Variants in NAT1 observed in about 807,000 individuals in gnomAD.
NAT1 encodes the protein N-acetyltransferase 1.
For missense variants in NAT1, 400 were observed against 339.2 expected (o/e 1.18, Z -1.41); for synonymous variants, 144 against 122.6 (o/e 1.17, Z -1.16).
At chr8:18,177,809 G>C (rs1802346656) in intron 2 of NAT1, among the ~76,000 whole-genome samples, 1 of 152,120 alleles carries the variant, frequency 6.6e-6, no homozygotes, top group Non-Finnish European at 1.5e-5. Context: ...TTGTCCAGGA[G>C]AATCCAAAAG....
intron 2 of NAT1, among the ~76,000 whole-genome samples, chr8:18,181,636 G>A (rs1371928689): frequency 2.6e-5 from 4 of 152,124 alleles, no homozygotes; most frequent in African/African-American, 9.7e-5. Flanking sequence ...TGGTGAAAGT[G>A]GGCATACTTG....
chr8:18,175,480 A>C (rs1393831123), intron 2 of NAT1, among the ~76,000 whole-genome samples: 1 of 152,036 alleles, frequency 6.6e-6, no homozygotes, highest in East Asian at 1.9e-4. Flanking sequence ...TGTTTCCATG[A>C]CTGGCTTATT....
At chr8:18,199,790 C>T (rs910814194) in intron 2 of NAT1, among the ~76,000 whole-genome samples, 2 of 151,984 alleles carry the variant, frequency 1.3e-5, no homozygotes, top group African/African-American at 4.8e-5. Context: ...TTTCTTTGTG[C>T]ATTTAGGTAA....
intron 2 of NAT1, among the ~76,000 whole-genome samples, chr8:18,219,768 T>C (rs1343365194): frequency 2.6e-5 from 4 of 152,218 alleles, no homozygotes; most frequent in African/African-American, 9.7e-5. Flanking sequence ...GGTTACAACA[T>C]ATTGCTCTAT....
At chr8:18,170,534 C>T (rs909544978) in intron 1 of NAT1, 3 of 152,192 alleles carry the variant, frequency 2.0e-5, no homozygotes, top group East Asian at 1.9e-4. Flanking sequence ...ATTGCTTGTT[C>T]TCTGGTTATA....
intron 2 of NAT1, among the ~76,000 whole-genome samples, chr8:18,174,022 T>G (rs1802196183): frequency 6.6e-6 from 1 of 152,172 alleles, no homozygotes; most frequent in Non-Finnish European, 1.5e-5. Context: ...CAGAGCTTGT[T>G]GATGTGTGTG....
intron 2 of NAT1, among the ~76,000 whole-genome samples, chr8:18,192,950 C>A (rs67929410): frequency 2.0e-5 from 3 of 150,534 alleles, no homozygotes; most frequent in East Asian, 2.0e-4. Context: ...TGTAACTAAC[C>A]TGCACATTGT....
upstream of NAT1, among the ~76,000 whole-genome samples, chr8:18,208,078 A>G (rs765846660): frequency 1.3e-4 from 19 of 151,904 alleles, no homozygotes; most frequent in Non-Finnish European, 2.4e-4. Context: ...GAAGACATGG[A>G]CATAGGGAGG....
intron 2 of NAT1, among the ~76,000 whole-genome samples, chr8:18,202,065 G>A (rs934017114): frequency 6.6e-5 from 10 of 152,128 alleles, no homozygotes; most frequent in African/African-American, 1.4e-4. Flanking sequence ...ATTTGTAAGC[G>A]CATCTCTCTC....
chr8:18,176,091 T>C (rs1008451101), intron 2 of NAT1, among the ~76,000 whole-genome samples: 1 of 152,140 alleles, frequency 6.6e-6, no homozygotes, highest in Non-Finnish European at 1.5e-5. Context: ...GAGTTCCTTA[T>C]ATATTTTGAA....
chr8:18,187,936 A>AACACACACACAC (rs35203470), intron 2 of NAT1, among the ~76,000 whole-genome samples: 5,554 of 137,396 alleles, frequency 0.04, 156 homozygotes, highest in East Asian at 0.056. Flanking sequence ...TTGTATCTTA[A>AACACACACACAC]ACACACACAC....
chr8:18,176,761 T>A (rs1405226031), intron 2 of NAT1, among the ~76,000 whole-genome samples: 1 of 152,078 alleles, frequency 6.6e-6, no homozygotes, highest in African/African-American at 2.4e-5. Context: ...AAAATAACAT[T>A]GAAATTTTAA....
At position 18,222,406 on chromosome 8, in the gene NAT1, T is replaced by A. The variant is rs777637715; in HGVS notation, c.359T>A (p.Ile120Asn). 6.2e-7 allele frequency: 1 copy of A among 1,614,074 alleles called. No individual in the cohort carries two copies. Among genetic ancestry groups the A allele is most frequent in the Admixed American group, 1.7e-5 (1 of 59,998 alleles). The change falls in exon 3 of 3, where the codon ATT becomes AAT. Residue 120 changes from isoleucine (I) to asparagine (N), a missense_variant. Physicochemically the swap from Ile to Asn is moderately radical, Grantham distance 149 (BLOSUM62 -3). Transcript: ENST00000307719. ...LQVTIDGRNY[I>N]VDAGFGRSYQ... ...GTGACCATTGATGGCAGGAACTACA[T>A]TGTCGATGCTGGGTTTGGACGCTCA...
intron 2 of NAT1, among the ~76,000 whole-genome samples, chr8:18,192,073 T>G (rs1386230115): frequency 2.0e-5 from 3 of 149,934 alleles, no homozygotes; most frequent in Non-Finnish European, 1.5e-5. Context: ...TGGGAGAAAA[T>G]TTTCGCAACC....
rs200857632 is a variant in NAT1, at chr8:18,222,427, G to A, written c.380G>A (p.Arg127His). ...RNYIVDAGFGRSYQMWQPLEL... is the reference protein window; with the variant it reads ...RNYIVDAGFGHSYQMWQPLEL... The stretch of plus-strand genomic sequence containing the variant: ...TACATTGTCGATGCTGGGTTTGGAC[G>A]CTCATACCAGATGTGGCAGCCTCTG... Residue 127 changes from arginine to histidine, a missense_variant, in exon 3 of 3, where the codon CGC becomes CAC. Coordinates refer to ENST00000307719, the MANE Select transcript of NAT1 (RefSeq NM_000662.8). The A allele has an allele frequency of 1.2e-5, 19 of 1,613,900 alleles. No individual in the cohort carries two copies. Among genetic ancestry groups the A allele is most frequent in the Admixed American group, 3.3e-5 (2 of 59,992 alleles).
At chr8:18,204,024 C>A (rs1480139055) in intron 2 of NAT1, among the ~76,000 whole-genome samples, 1 of 152,152 alleles carries the variant, frequency 6.6e-6, no homozygotes, top group Admixed American at 6.5e-5. Context: ...GGTGGGGCAA[C>A]CAGCCTTCCG....
At chr8:18,175,180 C>T (rs1802245874) in intron 2 of NAT1, among the ~76,000 whole-genome samples, 1 of 151,934 alleles carries the variant, frequency 6.6e-6, no homozygotes, top group Non-Finnish European at 1.5e-5. Flanking sequence ...AGGTAATTAA[C>T]ATATCTATCA....
At chr8:18,172,081 C>G (rs1190005617) in intron 2 of NAT1, among the ~76,000 whole-genome samples, 1 of 152,328 alleles carries the variant, frequency 6.6e-6, no homozygotes, top group South Asian at 2.1e-4. Context: ...TCTACTACCT[C>G]TAAGGACAAC....
At chr8:18,220,102 G>A (rs1362321755) in intron 2 of NAT1, among the ~76,000 whole-genome samples, 22 of 152,256 alleles carry the variant, frequency 1.4e-4, no homozygotes, top group Admixed American at 1.4e-3. Context: ...CTAGGTGAGG[G>A]GGCAGAGAGG....
Sources: gnomAD v4.1 joint callset for allele counts (sites outside exome capture counted in the v4.1 genomes callset) on GRCh38, gnomAD v4.1.1 for gene constraint, MANE v1.5 for transcripts, NCBI Gene and HGNC (gene_info 2026-07-23, HGNC 2026-07-21) for gene names.